MGRN1: variants seen among roughly 807,000 people sequenced by gnomAD.
MGRN1 encodes the protein mahogunin ring finger 1, also known as E3 ubiquitin-protein ligase MGRN1.
A neutral mutation model predicts 69.2 loss-of-function variants in MGRN1; 29 were observed. The observed-to-expected ratio is 0.42, with a 90% CI of 0.31 to 0.57. The LOEUF is 0.57. MGRN1 is among the 20% of genes least tolerant of loss of function. The probability of loss-of-function intolerance (pLI) is 0.15; values close to 1 mark genes in which losing one functional copy is unlikely to be tolerated. For missense variants in MGRN1, 998 were observed against 796.2 expected (o/e 1.25, Z -3.05); for synonymous variants, 470 against 344.2 (o/e 1.37, Z -4.04).
chr16:4,643,992 A>G (rs1037637431), intron 1 of MGRN1, among the ~76,000 whole-genome samples: 1 of 151,314 alleles, frequency 6.6e-6, no homozygotes. Context: ...GTTTTTTTTG[A>G]GATGGAGTCT....
At chr16:4,687,218 A>AG (rs2079344874) in intron 16 of MGRN1, 1 of 984,716 alleles carries the variant, frequency 1.0e-6, no homozygotes, top group Admixed American at 6.2e-5. Flanking sequence ...CCCCCCCAAG[A>AG]GGCGCCCTCT....
rs947206363 is a variant in MGRN1 at position 4,675,133 on chromosome 16, C to T, written c.955+1476C>T. On this transcript the variant is annotated intron_variant, in intron 10 of 16. Transcript: ENST00000262370. ...GATTACAGGCATGTGCCACCATGCC[C>T]GGCTATTTTGTGTATTTTTAGTAGA... is the stretch of plus-strand genomic sequence containing the variant. Among the ~76,000 whole-genome samples, 10 of 152,054 alleles carry T rather than the reference C, an allele frequency of 6.6e-5. No individual in the cohort carries two copies. The East Asian group carries it at 7.8e-4, about 12-fold the overall frequency.
chr16:4,644,144 A>AT (rs1238734252), intron 1 of MGRN1, among the ~76,000 whole-genome samples: 31 of 150,002 alleles, frequency 2.1e-4, no homozygotes, highest in Middle Eastern at 3.4e-3. Flanking sequence ...CTCCCGGCTA[A>AT]TTTTTTTTTG....
intron 9 of MGRN1, 54 bp downstream of exon 9, chr16:4,671,513 C>A (rs992714248): frequency 1.1e-5 from 17 of 1,527,776 alleles, no homozygotes; most frequent in Middle Eastern, 1.7e-4. Flanking sequence ...ACACCAGGAG[C>A]AGCCGCGGAC....
At chr16:4,626,682 G>T (rs1374475249) in intron 1 of MGRN1, among the ~76,000 whole-genome samples, 1 of 152,218 alleles carries the variant, frequency 6.6e-6, no homozygotes, top group African/African-American at 2.4e-5. Context: ...CTTGATGTCC[G>T]TTCTTCACTT....
At chr16:4,629,753 A>AG (rs1897900702) in intron 1 of MGRN1, among the ~76,000 whole-genome samples, 1 of 149,420 alleles carries the variant, frequency 6.7e-6, no homozygotes, top group Admixed American at 6.7e-5. Context: ...AAAAAAAAAA[A>AG]TCATACAGGC....
intron 5 of MGRN1, among the ~76,000 whole-genome samples, chr16:4,663,379 T>TG (rs1381090404): frequency 1.5e-5 from 2 of 135,710 alleles, no homozygotes; most frequent in Non-Finnish European, 3.3e-5. Flanking sequence ...TTTTTTTTTT[T>TG]TTTTTTTTTT....
chr16:4,689,076 C>T lies in MGRN1; in HGVS notation c.*168C>T. 2 of 852,688 alleles carry T rather than the reference C, an allele frequency of 2.3e-6. No homozygotes were observed. Among genetic ancestry groups the T allele is most frequent in the South Asian group, 2.2e-5 (1 of 45,488 alleles). 52.8% of individuals were successfully genotyped at this position (852,688 alleles called of 1,614,324 possible). ...CAAAGAGCACAGTGAACTGTCCCTT[C>T]TGAGTCTCCCTTTTCTACAGTTGAT... On this transcript the variant is annotated 3_prime_UTR_variant, in exon 17 of 17. Coordinates refer to ENST00000262370, the MANE Select transcript of MGRN1 (RefSeq NM_015246.4).
chr16:4,682,754 G>T, intron 13 of MGRN1, 69 bp from the exon 14 acceptor site: 1 of 1,431,792 alleles, frequency 7.0e-7, no homozygotes, highest in Non-Finnish European at 9.2e-7. Context: ...TGCCCTGCAT[G>T]GCTTTGGCAG....
chr16:4,678,966 T>A (rs1238559080), intron 11 of MGRN1, among the ~76,000 whole-genome samples: 1 of 152,250 alleles, frequency 6.6e-6, no homozygotes, highest in Non-Finnish European at 1.5e-5. Context: ...GAATTTCCCT[T>A]AAAACCCAGA....
At chr16:4,631,017 T>G (rs1213890633) in intron 1 of MGRN1, among the ~76,000 whole-genome samples, 1 of 151,904 alleles carries the variant, frequency 6.6e-6, no homozygotes, top group Non-Finnish European at 1.5e-5. Context: ...AGACAGGGTT[T>G]CACCGTGTTG....
At chr16:4,686,462 G>A in intron 16 of MGRN1, 6 of 1,416,894 alleles carry the variant, frequency 4.2e-6, no homozygotes, top group East Asian at 2.6e-5. Flanking sequence ...GAGCTCTCCA[G>A]TGGCTGCTGC....
intron 11 of MGRN1, among the ~76,000 whole-genome samples, chr16:4,678,488 G>T (rs1444757800): frequency 2.0e-5 from 3 of 152,086 alleles, no homozygotes; most frequent in African/African-American, 7.2e-5. Flanking sequence ...GAGAGACATA[G>T]GGAGAGACTG....
chr16:4,674,586 T>TTTTC (rs1555457310), intron 10 of MGRN1, among the ~76,000 whole-genome samples: 2 of 140,046 alleles, frequency 1.4e-5, no homozygotes, highest in Non-Finnish European at 1.6e-5. Context: ...CGCTTTTTTT[T>TTTTC]TTTTCTTTTC....
intron 16 of MGRN1, chr16:4,686,140 A>T: frequency 8.6e-7 from 1 of 1,169,232 alleles, no homozygotes; most frequent in Admixed American, 2.5e-5. Flanking sequence ...GTTGCAGCAG[A>T]GTGTTTGTTT....
At chr16:4,641,741 A>T (rs566839795) in intron 1 of MGRN1, among the ~76,000 whole-genome samples, 1 of 151,366 alleles carries the variant, frequency 6.6e-6, no homozygotes, top group Non-Finnish European at 1.5e-5. Context: ...CTGGTCTCGA[A>T]CTCCCAACCT....
intron 1 of MGRN1, among the ~76,000 whole-genome samples, chr16:4,642,183 T>C (rs1294838921): frequency 6.7e-6 from 1 of 150,186 alleles, no homozygotes; most frequent in Non-Finnish European, 1.5e-5. Context: ...CAGGCTGGAG[T>C]GCAGTGGCGC....
chr16:4,686,907 G>T, intron 16 of MGRN1: 1 of 985,580 alleles, frequency 1.0e-6, no homozygotes, highest in Non-Finnish European at 1.2e-6. Flanking sequence ...CCCAAGCTCA[G>T]TCCCTGTCTC....
At chr16:4,677,068 G>A (rs888585642) in intron 10 of MGRN1, 6 of 165,968 alleles carry the variant, frequency 3.6e-5, no homozygotes, top group Non-Finnish European at 7.7e-5. Flanking sequence ...GGAGCTTCAG[G>A]GGTGTGACGC....
Sources: allele counts gnomAD v4.1 joint callset (sites outside exome capture counted in the v4.1 genomes callset), GRCh38; gene constraint gnomAD v4.1.1; transcripts MANE v1.5; gene names NCBI Gene and HGNC (gene_info 2026-07-23, HGNC 2026-07-21).